The following IGF1R variants were observed in gnomAD, a reference collection of about 807,000 sequenced individuals.
The protein encoded by IGF1R is insulin-like growth factor 1 receptor.
A neutral mutation model predicts 144.6 loss-of-function variants in IGF1R; 44 were observed. That is an observed-to-expected ratio of 0.30 (90% confidence interval 0.24 to 0.39). IGF1R has a LOEUF of 0.39. IGF1R is among the 10% of genes least tolerant of loss of function. The pLI is 1.00. For synonymous variants in IGF1R, 795 were observed against 722.8 expected (o/e 1.10, Z -1.60); for missense variants, 1,355 against 1,833.7 (o/e 0.74, Z 4.77).
At chr15:98,675,722 A>T (rs2053019299) in intron 1 of IGF1R, among the ~76,000 whole-genome samples, 1 of 152,088 alleles carries the variant, frequency 6.6e-6, no homozygotes, top group Non-Finnish European at 1.5e-5. Context: ...TAAGTGAAGT[A>T]AGATACCTCC....
intron 2 of IGF1R, among the ~76,000 whole-genome samples, chr15:98,784,837 T>A (rs1206147524): frequency 2.0e-5 from 3 of 152,230 alleles, no homozygotes; most frequent in East Asian, 3.9e-4. Flanking sequence ...TGAGACGATG[T>A]GCATACGTTA....
At chr15:98,835,906 T>C (rs1416899959) in intron 2 of IGF1R, among the ~76,000 whole-genome samples, 1 of 152,240 alleles carries the variant, frequency 6.6e-6, no homozygotes, top group Non-Finnish European at 1.5e-5. Flanking sequence ...GGAGATTTGC[T>C]GTGGAAGGTG....
At chr15:98,857,072 T>C (rs1470610253) in intron 2 of IGF1R, among the ~76,000 whole-genome samples, 2 of 152,068 alleles carry the variant, frequency 1.3e-5, no homozygotes. Context: ...ACTGAGATAA[T>C]GCTTAGGAGA....
At chr15:98,696,683 G>C (rs1248728259) in intron 1 of IGF1R, among the ~76,000 whole-genome samples, 2 of 152,202 alleles carry the variant, frequency 1.3e-5, no homozygotes, top group Non-Finnish European at 2.9e-5. Context: ...TACTACCAGG[G>C]GGCTTGAGTG....
At chr15:98,924,741 A>G (rs914773493) in intron 13 of IGF1R, 57 bp downstream of exon 13, 5 of 1,472,896 alleles carry the variant, frequency 3.4e-6, no homozygotes, top group Non-Finnish European at 4.7e-6. Flanking sequence ...GTGGTCCAGG[A>G]TCAGGACAGC....
intron 2 of IGF1R, among the ~76,000 whole-genome samples, chr15:98,721,532 C>A (rs941537439): frequency 4.6e-4 from 70 of 152,162 alleles, no homozygotes; most frequent in African/African-American, 1.6e-3. Context: ...GAGGAGGTGG[C>A]GATGGCAGTG....
At chr15:98,946,639 A>G (rs2016564750) in intron 19 of IGF1R, among the ~76,000 whole-genome samples, 1 of 152,164 alleles carries the variant, frequency 6.6e-6, no homozygotes. Flanking sequence ...GCTCGGGTGG[A>G]ATGGGCATCA....
chr15:98,876,150 C>G (rs1012779315), intron 2 of IGF1R, among the ~76,000 whole-genome samples: 3 of 151,996 alleles, frequency 2.0e-5, no homozygotes, highest in African/African-American at 7.3e-5. Context: ...CCAGATGTTT[C>G]CTAATTAATT....
intron 1 of IGF1R, among the ~76,000 whole-genome samples, chr15:98,663,177 G>A (rs113625017): frequency 3.9e-5 from 6 of 152,290 alleles, no homozygotes; most frequent in African/African-American, 9.6e-5. Flanking sequence ...ATGGGTCCTC[G>A]GTGTGAGGGG....
intron 2 of IGF1R, among the ~76,000 whole-genome samples, chr15:98,865,459 C>T (rs1443676296): frequency 6.6e-6 from 1 of 152,158 alleles, no homozygotes; most frequent in Non-Finnish European, 1.5e-5. Context: ...AGGTGGGGCT[C>T]GGCGTGCATA....
intron 1 of IGF1R, among the ~76,000 whole-genome samples, chr15:98,696,333 C>T (rs1955890601): frequency 6.6e-6 from 1 of 152,166 alleles, no homozygotes; most frequent in South Asian, 2.1e-4. Flanking sequence ...CTACAGTACT[C>T]AGAAAGAGAC....
chr15:98,886,351 T>C (rs2013640147), intron 2 of IGF1R, among the ~76,000 whole-genome samples: 1 of 152,232 alleles, frequency 6.6e-6, no homozygotes, highest in African/African-American at 2.4e-5. Context: ...TTTTATGTGA[T>C]TGCAAACCTG....
chr15:98,916,419 G>A, intron 9 of IGF1R: 1 of 562,280 alleles, frequency 1.8e-6, no homozygotes, highest in Non-Finnish European at 3.2e-6. Context: ...GCACCACCAT[G>A]CCCAGCTAAT....
In IGF1R at chr15:98,832,865, A is replaced by G. The variant is rs45540740; in HGVS notation, c.641-58460A>G. On this transcript the variant is annotated intron_variant, in intron 2 of 20. Coordinates refer to ENST00000650285, the MANE Select transcript of IGF1R (RefSeq NM_000875.5). ...TCTCTGTTACAGGTTTGTGAAACCA[A>G]TTTTTTTATTGTAAATAGTACGTTA... 7.0e-3 allele frequency among the ~76,000 whole-genome samples: 1,060 copies of G among 152,290 alleles called. 13 individuals carry two copies. The highest frequency in any genetic ancestry group is 6.1e-3 in the Non-Finnish European group (412 of 68,028).
intron 1 of IGF1R, among the ~76,000 whole-genome samples, chr15:98,663,620 T>C (rs1377257750): frequency 3.3e-5 from 5 of 152,214 alleles, no homozygotes; most frequent in Non-Finnish European, 5.9e-5. Context: ...GCTGGGGCAC[T>C]GCTTTCTGAT....
At chr15:98,746,465 CTTT>C (rs1343154316) in intron 2 of IGF1R, among the ~76,000 whole-genome samples, 1 of 152,096 alleles carries the variant, frequency 6.6e-6, no homozygotes, top group African/African-American at 2.4e-5. Flanking sequence ...GGATAGATGT[CTTT>C]TTAGTGTAAC....
chr15:98,956,411 A>G (rs1003429313), intron 20 of IGF1R, among the ~76,000 whole-genome samples: 2 of 152,240 alleles, frequency 1.3e-5, no homozygotes, highest in African/African-American at 4.8e-5. Flanking sequence ...AGCCTGGCTC[A>G]TCGGCTGGGG....
chr15:98,920,540 TTGA>T (rs2015440497), intron 10 of IGF1R, among the ~76,000 whole-genome samples: 1 of 152,220 alleles, frequency 6.6e-6, no homozygotes, highest in Non-Finnish European at 1.5e-5. Flanking sequence ...AGGAAATTTG[TTGA>T]TGATGTGTTG....
chr15:98,671,016 C>T (rs2052876154), intron 1 of IGF1R, among the ~76,000 whole-genome samples: 1 of 152,140 alleles, frequency 6.6e-6, no homozygotes. Context: ...TAAAGGTGCC[C>T]TCTTTTCCCT....
Sources: allele counts gnomAD v4.1 joint callset (sites outside exome capture counted in the v4.1 genomes callset), GRCh38; gene constraint gnomAD v4.1.1; transcripts MANE v1.5; gene names NCBI Gene and HGNC (gene_info 2026-07-23, HGNC 2026-07-21).